The following SPATA25 variants were observed in gnomAD, a reference collection of about 807,000 sequenced individuals.
SPATA25 encodes the protein spermatogenesis-associated protein 25.
A neutral mutation model predicts 16.0 loss-of-function variants in SPATA25; 16 were observed. The ratio of observed to expected loss-of-function variants is 1.00; its 90% CI spans 0.68 to 1.52. The LOEUF (loss-of-function observed/expected upper bound fraction) is 1.52. Among genes scored for constraint, SPATA25 ranks in the 40% most tolerant of loss-of-function variants. The pLI is 0.00. For synonymous variants in SPATA25, 115 were observed against 118.5 expected (o/e 0.97, Z 0.19); for missense variants, 285 against 289.2 (o/e 0.99, Z 0.11).
At chr20:45,890,434 G>T, upstream of SPATA25, 1 of 1,610,236 alleles carries the variant, frequency 6.2e-7, no homozygotes, top group Non-Finnish European at 8.5e-7. Context: ...GGCGGCTACG[G>T]CGCGCGGTCG....
chr20:45,890,017 A>C, upstream of SPATA25: 1 of 584,870 alleles, frequency 1.7e-6, no homozygotes, highest in Non-Finnish European at 3.0e-6. Flanking sequence ...ACACTATCAA[A>C]ACTAAAAGGG....
chr20:45,887,013 G>T lies in SPATA25; in HGVS notation c.188C>A (p.Pro63Gln), dbSNP rs141125720. The change falls in exon 2 of 2, where the codon CCA (proline) becomes CAA (glutamine). Residue 63 changes from proline to glutamine, a missense_variant. By Grantham distance (76) the Pro-to-Gln change is moderately conservative. Coordinates refer to ENST00000372519, the MANE Select transcript of SPATA25 (RefSeq NM_080608.4). ...QVAPAAQAWG[P>Q]ALAMPQARGC... ...CCTGGCTTGTGGCATTGCCAGGGCT[G>T]GGCCCCAGGCCTGGGCAGCAGGTGC... 1.9e-6 allele frequency: 3 copies of T among 1,613,372 alleles called. No individual in the cohort carries two copies. Among genetic ancestry groups the T allele is most frequent in the Non-Finnish European group, 2.5e-6 (3 of 1,180,010 alleles).
chr20:45,889,272 A>T (rs1167734855), upstream of SPATA25, among the ~76,000 whole-genome samples: 1 of 152,230 alleles, frequency 6.6e-6, no homozygotes, highest in Non-Finnish European at 1.5e-5. Context: ...CTCAGCATTA[A>T]GAAGCTCTCA....
chr20:45,887,180 C>A, intron 1 of SPATA25, 35 bp from the exon 2 acceptor site: 1 of 1,548,774 alleles, frequency 6.5e-7, no homozygotes, highest in South Asian at 1.2e-5. Flanking sequence ...ACGTTATTCT[C>A]AGTTCTTTGA....
chr20:45,890,927 G>A (rs1986777553), upstream of SPATA25: 5 of 1,531,230 alleles, frequency 3.3e-6, no homozygotes, highest in Non-Finnish European at 4.4e-6. Context: ...GCGGGTGGGA[G>A]GGGGCTCCGG....
At chr20:45,890,823 G>A (rs998582224), upstream of SPATA25, 3 of 1,574,174 alleles carry the variant, frequency 1.9e-6, no homozygotes, top group Admixed American at 3.6e-5. Flanking sequence ...AGCGGCTCGC[G>A]GCTGAAGCAC....
rs764903249 is a variant in SPATA25, at chr20:45,886,703, G to A, written c.498C>T (p.Thr166=). Residue 166 remains threonine (T), a synonymous_variant, in exon 2 of 2, where the codon ACC becomes ACT. Coordinates refer to ENST00000372519, the MANE Select transcript of SPATA25 (RefSeq NM_080608.4). ...TLAMMIAGIP[T]VPVPGVREED... is the part of the protein sequence containing the mutation. ...CTTCCCGAACTCCTGGGACGGGCAC[G>A]GTGGGGATGCCAGCGATCATCATGG... 9.9e-6 allele frequency: 16 copies of A among 1,614,042 alleles called. No individual in the cohort carries two copies. Among genetic ancestry groups the A allele is most frequent in the South Asian group, 6.6e-5 (6 of 91,088 alleles).
upstream of SPATA25, chr20:45,890,108 G>T (rs1446366451): frequency 4.6e-6 from 4 of 868,746 alleles, no homozygotes; most frequent in Non-Finnish European, 7.2e-6. Flanking sequence ...AAGATCACAA[G>T]CAGAGGTGCA....
At chr20:45,887,730 G>T, upstream of SPATA25, 1 of 665,560 alleles carries the variant, frequency 1.5e-6, no homozygotes, top group Non-Finnish European at 2.5e-6. Context: ...ATTCATTCTA[G>T]AACCTGGACA....
Position 45,886,827 on chromosome 20 carries a change from A to C in SPATA25, c.374T>G (p.Leu125Arg), listed in dbSNP as rs564165964. Residue 125 changes from leucine (L) to arginine (R), a missense_variant, in exon 2 of 2, where the codon CTG becomes CGG. Transcript: ENST00000372519. ...CCGTGGTGACAGCCCACACAGCATC[A>C]GGGGCCTAGGCCTGCTGGGGCCACC... ...DLGGPSRPRPLMLCGLSPRVL... is the reference protein window; with the variant it reads ...DLGGPSRPRPRMLCGLSPRVL... 1.4e-5 allele frequency: 22 copies of C among 1,613,916 alleles called. No individual in the cohort carries two copies. The South Asian group carries it at 2.3e-4, about 17-fold the overall frequency.
At chr20:45,890,280 T>A (rs1327948931), upstream of SPATA25, 17 of 1,613,568 alleles carry the variant, frequency 1.1e-5, no homozygotes, top group Non-Finnish European at 1.4e-5. Context: ...AGGCGCACGC[T>A]CTTTGTGGAA....
At position 45,887,124 on chromosome 20, in the gene SPATA25, A is replaced by G. The variant is rs1986512642; in HGVS notation, c.77T>C (p.Leu26Ser). 1 of 1,586,882 alleles carries G rather than the reference A, an allele frequency of 6.3e-7. No individual in the cohort carries two copies. The highest frequency in any genetic ancestry group is 8.5e-7 in the Non-Finnish European group (1 of 1,169,596). The change falls in exon 2 of 2, where the codon TTG (leucine) becomes TCG (serine). Residue 26 changes from leucine (L) to serine (S), a missense_variant. By Grantham distance (145) the Leu-to-Ser change is moderately radical. Coordinates refer to ENST00000372519, the MANE Select transcript of SPATA25 (RefSeq NM_080608.4). Reference protein sequence around the residue: ...SGQGGAASPGLSLGLCSPVEP... With the variant: ...SGQGGAASPGSSLGLCSPVEP... ...TACAGGACTACAGAGGCCAAGGGAC[A>G]AGCCTGGAGAAGCAGCCCCACCTGC...
At chr20:45,887,721 T>C, upstream of SPATA25, 1 of 733,018 alleles carries the variant, frequency 1.4e-6, no homozygotes, top group East Asian at 3.0e-5. Flanking sequence ...CGTTGACCTA[T>C]TCATTCTAGA....
At chr20:45,888,526 A>G (rs74212978), upstream of SPATA25, 28,927 of 523,930 alleles carry the variant, frequency 0.055, 1,079 homozygotes, top group South Asian at 0.12. Flanking sequence ...GACTCTAACA[A>G]GCAGCCAGCC....
rs776981346 is a variant in SPATA25, at chr20:45,886,608, G to A, written c.593C>T (p.Ala198Val). 1.7e-5 allele frequency: 27 copies of A among 1,613,678 alleles called. No homozygotes were observed. The highest frequency in any genetic ancestry group is 5.3e-5 in the African/African-American group (4 of 74,930). Residue 198 changes from alanine (A) to valine (V), a missense_variant, in exon 2 of 2, where the codon GCG becomes GTG. Ala to Val is a moderately conservative substitution (Grantham distance 64). Coordinates refer to ENST00000372519, the MANE Select transcript of SPATA25 (RefSeq NM_080608.4). ...GTGGGCATGTGCCTGCTCCCACCGC[G>A]CCCCCTCCACAGCACCCTCTGGCTC... ...HPEPEGAVEG[A>V]RWEQAHAHTA...
At position 45,887,540 on chromosome 20, in the gene SPATA25, G is replaced by A. The variant is rs749177957; in HGVS notation, c.51C>T (p.Gly17=). 2 of 1,613,640 alleles carry A rather than the reference G, an allele frequency of 1.2e-6. No homozygotes were observed. The highest frequency in any genetic ancestry group is 1.3e-5 in the African/African-American group (1 of 75,050). ...PQTHPGPLPS[G]QGGAASPGLS... is the part of the protein sequence containing the mutation. ...TTGCAGGTGCCCCCCGCTCACCTTG[G>A]CCGGAAGGCAGAGGACCTGGATGAG... is the stretch of plus-strand genomic sequence containing the variant. Residue 17 remains glycine (G), a synonymous_variant, in exon 1 of 2, where the codon GGC becomes GGT. Coordinates refer to ENST00000372519, the MANE Select transcript of SPATA25 (RefSeq NM_080608.4).
In SPATA25 at chr20:45,886,777, C is replaced by G. The variant is rs774345524; in HGVS notation, c.424G>C (p.Val142Leu). Residue 142 changes from valine (V) to leucine (L), a missense_variant, in exon 2 of 2, where the codon GTG (valine) becomes CTG (leucine). By Grantham distance (32) the Val-to-Leu change is conservative. Coordinates refer to ENST00000372519, the MANE Select transcript of SPATA25 (RefSeq NM_080608.4). Reference sequence around the variant, plus strand: ...GGCTGGGAGCTGGCCTCCTTCCCCACTGCCTCAGAGGGTACCGGTAGAACC... The same window carrying G: ...GGCTGGGAGCTGGCCTCCTTCCCCAGTGCCTCAGAGGGTACCGGTAGAACC... ...PRVLPVPSEA[V>L]GKEASSQPDI... 3.1e-6 allele frequency: 5 copies of G among 1,613,896 alleles called. No individual in the cohort carries two copies. The African/African-American group carries it at 6.7e-5, about 22-fold the overall frequency.
In SPATA25 at chr20:45,886,747, TATC is replaced by T; in HGVS notation, c.451_453del (p.Asp151del). ...ATCATGGCGAGGGTGAGGATGCAGA[TATC>T]AGGCTGGGAGCTGGCCTCCTTCCCC... On this transcript the variant is annotated inframe_deletion, in exon 2 of 2. Transcript: ENST00000372519. The T allele has an allele frequency of 6.2e-7, 1 of 1,614,046 alleles. No homozygotes were observed. The highest frequency in any genetic ancestry group is 8.5e-7 in the Non-Finnish European group (1 of 1,180,030).
At chr20:45,887,920 A>G (rs1986545734), upstream of SPATA25, among the ~76,000 whole-genome samples, 1 of 152,214 alleles carries the variant, frequency 6.6e-6, no homozygotes, top group African/African-American at 2.4e-5. Context: ...GATCATTTGT[A>G]TGGAAGCAGA....
Sources: gnomAD v4.1 joint callset for allele counts (sites outside exome capture counted in the v4.1 genomes callset) on GRCh38, gnomAD v4.1.1 for gene constraint, MANE v1.5 for transcripts, NCBI Gene and HGNC (gene_info 2026-07-23, HGNC 2026-07-21) for gene names.